DNAH8: variants seen among roughly 807,000 people sequenced by gnomAD.
DNAH8 encodes the protein axonemal beta dynein heavy chain 8.
A neutral mutation model predicts 562.1 loss-of-function variants in DNAH8; 382 were observed. The ratio of observed to expected loss-of-function variants is 0.68; its 90% CI spans 0.63 to 0.74. The LOEUF is 0.74. Among genes scored for constraint, DNAH8 ranks in the 30% least tolerant of loss-of-function variants. The pLI, the probability that DNAH8 is intolerant of heterozygous loss-of-function variation, is 0.00. For missense variants in DNAH8, 5,203 were observed against 5,620.4 expected, an observed-to-expected ratio of 0.93 and a Z score of 2.37; for synonymous variants, 1,881 against 1,919.4, an observed-to-expected ratio of 0.98 and a Z score of 0.52.
At chr6:38,833,154 A>G (rs563099174) in intron 31 of DNAH8, among the ~76,000 whole-genome samples, 1 of 152,206 alleles carries the variant, frequency 6.6e-6, no homozygotes, top group South Asian at 2.1e-4. Context: ...AAGACTGAAT[A>G]TGTTCCCCTG....
intron 53 of DNAH8, among the ~76,000 whole-genome samples, chr6:38,881,079 G>T (rs867225180): frequency 2.6e-5 from 4 of 152,004 alleles, no homozygotes; most frequent in Non-Finnish European, 4.4e-5. Flanking sequence ...ATAGCCACTG[G>T]AATGTCTACA....
intron 68 of DNAH8, among the ~76,000 whole-genome samples, 193 bp downstream of exon 68, chr6:38,915,570 T>G (rs138988716): frequency 6.6e-6 from 1 of 152,196 alleles, no homozygotes; most frequent in Non-Finnish European, 1.5e-5. Flanking sequence ...TCTTATATTA[T>G]TTTCATCCCA....
intron 66 of DNAH8, 112 bp from the exon 67 acceptor site, chr6:38,913,737 G>A: frequency 1.7e-6 from 1 of 603,018 alleles, no homozygotes; most frequent in Non-Finnish European, 2.7e-6. Flanking sequence ...CTACAATTTT[G>A]TGTTTGTTAT....
At chr6:38,814,155 A>C (rs1738221) in intron 25 of DNAH8, 26 bp downstream of exon 25, 2 of 1,290,100 alleles carry the variant, frequency 1.6e-6, no homozygotes, top group Admixed American at 1.8e-5. Context: ...TACACTGATA[A>C]TTTGATAAGG....
intron 7 of DNAH8, among the ~76,000 whole-genome samples, chr6:38,740,215 C>A (rs960434473): frequency 4.6e-5 from 7 of 152,046 alleles, no homozygotes; most frequent in Non-Finnish European, 8.8e-5. Flanking sequence ...AATTTTAAGA[C>A]TAATTTTTAA....
intron 88 of DNAH8, among the ~76,000 whole-genome samples, chr6:39,005,074 A>G (rs1327513425): frequency 6.6e-6 from 1 of 152,212 alleles, no homozygotes; most frequent in Non-Finnish European, 1.5e-5. Context: ...TTGGGTCATA[A>G]TCTATTCTTA....
chr6:38,799,050 G>A (rs564556867), intron 21 of DNAH8, among the ~76,000 whole-genome samples: 1 of 152,282 alleles, frequency 6.6e-6, no homozygotes, highest in Non-Finnish European at 1.5e-5. Flanking sequence ...AACCCAACTG[G>A]AAGTCAGAGA....
At chr6:38,772,625 C>T (rs1767680995) in intron 12 of DNAH8, among the ~76,000 whole-genome samples, 1 of 152,012 alleles carries the variant, frequency 6.6e-6, no homozygotes, top group Non-Finnish European at 1.5e-5. Context: ...ATATGATTTA[C>T]ACGTATTTTC....
rs1019209379 is a variant in DNAH8 at position 38,755,916 on chromosome 6, T to G, written c.1408-56T>G. On this transcript the variant is annotated intron_variant, in intron 9 of 92. Transcript: ENST00000327475. ...TAGAGTTTTGAGTATTATAGAATAT[T>G]GGTTATTAAAACTATATGCATATGA... 1.5e-5 allele frequency: 15 copies of G among 975,416 alleles called. No homozygotes were observed. In the Admixed American group the frequency reaches 2.7e-4, roughly 17 times the overall value. The allele number at this position is 975,416 out of a possible 1,614,324, so 60.4% of individuals were successfully genotyped here.
At chr6:38,809,173 T>G (rs1266979706) in intron 24 of DNAH8, among the ~76,000 whole-genome samples, 2 of 152,192 alleles carry the variant, frequency 1.3e-5, no homozygotes, top group East Asian at 3.8e-4. Flanking sequence ...ATTCTTAGTA[T>G]ATTACATTAT....
chr6:38,904,792 CAAAAAAAAAAAA>C (rs759782655), intron 62 of DNAH8, among the ~76,000 whole-genome samples: 7 of 86,384 alleles, frequency 8.1e-5, no homozygotes, highest in African/African-American at 2.7e-4. Flanking sequence ...AACTCCGTCT[CAAAAAAAAAAAA>C]AAAAAAAAGA....
At chr6:38,967,794 A>C (rs1409166798) in intron 82 of DNAH8, among the ~76,000 whole-genome samples, 1 of 152,144 alleles carries the variant, frequency 6.6e-6, no homozygotes, top group Non-Finnish European at 1.5e-5. Flanking sequence ...TTTGTATGGA[A>C]ATTCATGGGA....
intron 42 of DNAH8, among the ~76,000 whole-genome samples, chr6:38,858,135 AAAGTTC>A (rs1776348408): frequency 6.6e-6 from 1 of 152,218 alleles, no homozygotes; most frequent in Non-Finnish European, 1.5e-5. Flanking sequence ...TGATTTAGGC[AAAGTTC>A]TGTAGGGTGG....
intron 82 of DNAH8, among the ~76,000 whole-genome samples, chr6:38,963,077 T>A (rs1445659873): frequency 6.6e-6 from 1 of 151,944 alleles, no homozygotes. Context: ...CCACTAAAAA[T>A]CTTATTCATG....
intron 49 of DNAH8, among the ~76,000 whole-genome samples, chr6:38,871,229 G>A (rs1275854262): frequency 6.6e-6 from 1 of 152,104 alleles, no homozygotes; most frequent in Non-Finnish European, 1.5e-5. Flanking sequence ...TTAATATAAC[G>A]ATTCTTATTT....
intron 21 of DNAH8, among the ~76,000 whole-genome samples, chr6:38,792,702 C>T (rs1229924384): frequency 2.0e-5 from 3 of 152,196 alleles, no homozygotes; most frequent in African/African-American, 4.8e-5. Flanking sequence ...GACAGGAACC[C>T]TGTCTAAACA....
At chr6:38,902,023 G>A (rs540321873) in intron 62 of DNAH8, among the ~76,000 whole-genome samples, 1 of 152,156 alleles carries the variant, frequency 6.6e-6, no homozygotes, top group African/African-American at 2.4e-5. Context: ...GGCCCCAACA[G>A]CACTGCTTCA....
intron 58 of DNAH8, 72 bp downstream of exon 58, chr6:38,890,833 ATTAAG>A: frequency 9.5e-7 from 1 of 1,049,586 alleles, no homozygotes; most frequent in Admixed American, 1.8e-5. Flanking sequence ...CTCGTGGCTC[ATTAAG>A]TTATCATAAT....
intron 92 of DNAH8, among the ~76,000 whole-genome samples, chr6:39,029,667 A>G (rs1267800876): frequency 1.3e-5 from 2 of 152,074 alleles, no homozygotes; most frequent in East Asian, 3.9e-4. Flanking sequence ...ACCTCACTTC[A>G]TCCTGTGACT....
Sources: allele counts gnomAD v4.1 joint callset (sites outside exome capture counted in the v4.1 genomes callset), GRCh38; gene constraint gnomAD v4.1.1; transcripts MANE v1.5; gene names NCBI Gene and HGNC (gene_info 2026-07-23, HGNC 2026-07-21).